Variants in MALRD1 observed in about 807,000 individuals in gnomAD.
MALRD1 encodes the protein MAM and LDL-receptor class A domain-containing protein 1.
In MALRD1, 247 loss-of-function variants were observed where a neutral mutation model predicts 242.1. The observed-to-expected ratio is 1.02, with a 90% CI of 0.92 to 1.13. The LOEUF (loss-of-function observed/expected upper bound fraction) is 1.13, where lower values mean the gene tolerates loss of function less well. MALRD1 is among the 50% of genes most tolerant of loss of function. MALRD1 has a pLI of 0.00. For synonymous variants in MALRD1, 995 were observed against 866.6 expected (o/e 1.15, Z -2.60); for missense variants, 2,989 against 2,533.1 (o/e 1.18, Z -3.86).
intron 34 of MALRD1, among the ~76,000 whole-genome samples, chr10:19,602,464 C>T (rs1489814803): frequency 1.3e-5 from 2 of 149,806 alleles, no homozygotes; most frequent in African/African-American, 2.5e-5. Context: ...TTTTTCCTTG[C>T]GATAGTTTGC....
intron 36 of MALRD1, among the ~76,000 whole-genome samples, chr10:19,625,012 G>A (rs1326837196): frequency 2.0e-5 from 3 of 151,794 alleles, no homozygotes; most frequent in Admixed American, 2.0e-4. Flanking sequence ...AGCTATGATC[G>A]CAATACTGCA....
At chr10:19,704,806 G>T (rs2131855152) in intron 38 of MALRD1, among the ~76,000 whole-genome samples, 1 of 152,270 alleles carries the variant, frequency 6.6e-6, no homozygotes, top group African/African-American at 2.4e-5. Flanking sequence ...TGGTAAAATG[G>T]AAGGAAAGAA....
At chr10:19,331,302 C>T (rs1240227612) in intron 23 of MALRD1, 67 bp from the exon 24 acceptor site, 2 of 1,234,566 alleles carry the variant, frequency 1.6e-6, no homozygotes, top group South Asian at 2.6e-5. Flanking sequence ...GTGCTTGATA[C>T]TTAGTGTTTG....
intron 33 of MALRD1, among the ~76,000 whole-genome samples, chr10:19,588,885 C>T (rs143093749): frequency 3.4e-4 from 52 of 152,234 alleles, no homozygotes; most frequent in African/African-American, 7.5e-4. Context: ...TCAAGTCATC[C>T]GACCGCCTTG....
At chr10:19,276,447 C>A (rs1315885574) in intron 19 of MALRD1, among the ~76,000 whole-genome samples, 1 of 152,088 alleles carries the variant, frequency 6.6e-6, no homozygotes, top group African/African-American at 2.4e-5. Context: ...TCCATATATT[C>A]CACTGAGACA....
At chr10:19,457,029 A>G (rs560441724) in intron 29 of MALRD1, among the ~76,000 whole-genome samples, 44 of 152,280 alleles carry the variant, frequency 2.9e-4, no homozygotes, top group African/African-American at 1.0e-3. Context: ...GCTTTATACA[A>G]TAATTCTTCA....
intron 14 of MALRD1, among the ~76,000 whole-genome samples, chr10:19,185,335 C>G (rs373847256): frequency 2.3e-4 from 35 of 152,098 alleles, no homozygotes; most frequent in African/African-American, 6.7e-4. Context: ...CTGTCTAAAA[C>G]CTATTTAGTC....
At chr10:19,297,445 G>A (rs939015953) in intron 21 of MALRD1, among the ~76,000 whole-genome samples, 12 of 151,844 alleles carry the variant, frequency 7.9e-5, no homozygotes, top group Middle Eastern at 3.4e-3. Context: ...GTGGCACGAC[G>A]GTAAGAGTAG....
intron 14 of MALRD1, among the ~76,000 whole-genome samples, chr10:19,182,567 TA>T: frequency 6.6e-6 from 1 of 152,024 alleles, no homozygotes; most frequent in South Asian, 2.1e-4. Flanking sequence ...CCTGACCTCG[TA>T]ATCCGTCCGC....
intron 29 of MALRD1, among the ~76,000 whole-genome samples, chr10:19,458,670 G>A (rs1211611557): frequency 2.0e-5 from 3 of 152,116 alleles, no homozygotes; most frequent in Admixed American, 2.0e-4. Context: ...TGTGCTGTGA[G>A]GAAGTAGCAT....
At chr10:19,691,571 C>T (rs938999231) in intron 36 of MALRD1, among the ~76,000 whole-genome samples, 3 of 152,066 alleles carry the variant, frequency 2.0e-5, no homozygotes, top group Admixed American at 6.5e-5. Flanking sequence ...TATACATGAA[C>T]TTTCAGATAC....
chr10:19,134,961 T>C (rs558104348), intron 9 of MALRD1, among the ~76,000 whole-genome samples: 91 of 152,282 alleles, frequency 6.0e-4, no homozygotes, highest in African/African-American at 1.7e-3. Flanking sequence ...GCTATGAAAA[T>C]ATACAGCTAT....
At chr10:19,148,954 A>G (rs796870865) in intron 11 of MALRD1, among the ~76,000 whole-genome samples, 2 of 151,946 alleles carry the variant, frequency 1.3e-5, no homozygotes, top group African/African-American at 4.8e-5. Flanking sequence ...AGTGAAATGG[A>G]AATTTCTGGT....
At chr10:19,171,045 T>G (rs919238392) in intron 13 of MALRD1, among the ~76,000 whole-genome samples, 1 of 152,090 alleles carries the variant, frequency 6.6e-6, no homozygotes, top group Non-Finnish European at 1.5e-5. Flanking sequence ...AAAACAAGAT[T>G]TCTATGTTAA....
intron 5 of MALRD1, among the ~76,000 whole-genome samples, chr10:19,116,038 A>G (rs1836859091): frequency 1.3e-5 from 2 of 152,200 alleles, no homozygotes; most frequent in South Asian, 4.1e-4. Flanking sequence ...TTCAAACAAT[A>G]CCGTTCTAAC....
At chr10:19,260,141 TTCTATGTGCCAGATACTATAGTATATG>T (rs1839683778) in intron 19 of MALRD1, among the ~76,000 whole-genome samples, 1 of 152,216 alleles carries the variant, frequency 6.6e-6, no homozygotes, top group South Asian at 2.1e-4. Flanking sequence ...TATTAAGTAA[TTCTATGTGCCAGATACTATAGTATATG>T]TCAGTCAGCT....
intron 18 of MALRD1, among the ~76,000 whole-genome samples, chr10:19,250,610 A>AT (rs1289326271): frequency 6.6e-6 from 1 of 151,986 alleles, no homozygotes; most frequent in Non-Finnish European, 1.5e-5. Flanking sequence ...ATGTGCCCCA[A>AT]TTTTGGCCCT....
At chr10:19,299,293 A>T (rs1170571177) in intron 21 of MALRD1, among the ~76,000 whole-genome samples, 5 of 152,080 alleles carry the variant, frequency 3.3e-5, no homozygotes, top group Non-Finnish European at 5.9e-5. Context: ...TTCTCCATAA[A>T]AACTGGCAAA....
intron 38 of MALRD1, among the ~76,000 whole-genome samples, chr10:19,718,110 A>G (rs1395758843): frequency 7.3e-5 from 2 of 27,506 alleles, no homozygotes; most frequent in South Asian, 3.3e-3. Flanking sequence ...AGGAAGAGGA[A>G]GAAGAAGAAG....
Sources: gnomAD v4.1 joint callset for allele counts (sites outside exome capture counted in the v4.1 genomes callset) on GRCh38, gnomAD v4.1.1 for gene constraint, MANE v1.5 for transcripts, NCBI Gene and HGNC (gene_info 2026-07-23, HGNC 2026-07-21) for gene names.